HNRNPK: variants seen among roughly 807,000 people sequenced by gnomAD.
The protein encoded by HNRNPK is heterogeneous nuclear ribonucleoprotein K.
A neutral mutation model predicts 67.0 loss-of-function variants in HNRNPK; 7 were observed. The ratio of observed to expected loss-of-function variants is 0.10; its 90% confidence interval spans 0.06 to 0.20. HNRNPK has a LOEUF of 0.20. Among genes scored for constraint, HNRNPK ranks in the 10% least tolerant of loss-of-function variants. The pLI is 1.00. For synonymous variants in HNRNPK, 213 were observed against 193.7 expected (o/e 1.10, Z -0.83); for missense variants, 264 against 606.5 (o/e 0.44, Z 5.93).
Position 83,969,958 on chromosome 9 carries a change from C to T in HNRNPK, c.1361+204G>A, listed in dbSNP as rs1281935048. On this transcript the variant is annotated intron_variant, in intron 16 of 16. Transcript: ENST00000376263. ...TGAGAAGTTTGCTTGGTTAAGGCTT[C>T]TTCCAGCAAGATTAGTATTGAATGT... is the stretch of plus-strand genomic sequence containing the variant. 6.1e-6 allele frequency: 4 copies of T among 658,178 alleles called. No homozygotes were observed. The Admixed American group carries it at 8.9e-5, about 15-fold the overall frequency. The allele number at this position is 658,178 out of a possible 1,614,324, so 40.8% of individuals were successfully genotyped here. A position where few individuals can be genotyped will look rare whatever the true frequency, so the allele number is the denominator to read the frequency against.
intron 9 of HNRNPK, 128 bp from the exon 10 acceptor site, chr9:83,973,100 G>C (rs1956926836): frequency 6.4e-6 from 5 of 786,796 alleles, no homozygotes; most frequent in Admixed American, 2.9e-5. Context: ...AATTATCACA[G>C]GGCTTTGCAA....
At chr9:83,978,896 A>G (rs1360610356) in intron 1 of HNRNPK, among the ~76,000 whole-genome samples, 1 of 152,234 alleles carries the variant, frequency 6.6e-6, no homozygotes, top group African/African-American at 2.4e-5. Flanking sequence ...TTACAAATAC[A>G]ACGGCAATTG....
intron 8 of HNRNPK, 87 bp from the exon 9 acceptor site, chr9:83,973,486 C>T: frequency 1.3e-6 from 1 of 789,426 alleles, no homozygotes; most frequent in Non-Finnish European, 2.2e-6. Context: ...CAATAATATA[C>T]TGTTGCAGTG....
intron 9 of HNRNPK, 79 bp downstream of exon 9, chr9:83,973,195 TGAGAGGGGAAGC>T (rs1421648884): frequency 1.2e-6 from 1 of 840,460 alleles, no homozygotes; most frequent in Non-Finnish European, 2.0e-6. Flanking sequence ...TGGAGGGAAC[TGAGAGGGGAAGC>T]GAGAGAAGCT....
intron 10 of HNRNPK, among the ~76,000 whole-genome samples, chr9:83,972,462 C>T (rs767177740): frequency 4.6e-5 from 7 of 152,138 alleles, no homozygotes; most frequent in Admixed American, 6.6e-5. Flanking sequence ...TAAGAAACCA[C>T]AAAGCCCTCC....
intron 1 of HNRNPK, among the ~76,000 whole-genome samples, chr9:83,979,721 C>T (rs1957281319): frequency 1.3e-5 from 2 of 152,040 alleles, no homozygotes; most frequent in African/African-American, 4.8e-5. Context: ...GTCTCATCCC[C>T]CGCATCCTCC....
At position 83,970,831 on chromosome 9, in the gene HNRNPK, A is replaced by G; in HGVS notation, c.1109-12T>C. On this transcript the variant is annotated splice_polypyrimidine_tract_variant and intron_variant, in intron 14 of 16. Transcript: ENST00000376263. Reference sequence around the variant, plus strand: ...TGCATAGGAATAATCTGATTTAAATAATGAGCAGTAAGTTCATTTAAAAAG... The same window carrying G: ...TGCATAGGAATAATCTGATTTAAATGATGAGCAGTAAGTTCATTTAAAAAG... The G allele has an allele frequency of 6.2e-7, 1 of 1,608,572 alleles. No individual in the cohort carries two copies. The highest frequency in any genetic ancestry group is 1.1e-5 in the South Asian group (1 of 90,972).
At chr9:83,979,147 C>A (rs1426398961) in intron 1 of HNRNPK, among the ~76,000 whole-genome samples, 1 of 152,204 alleles carries the variant, frequency 6.6e-6, no homozygotes, top group Non-Finnish European at 1.5e-5. Context: ...GATAGGACTA[C>A]AAACAGCCTT....
chr9:83,973,921 T>A lies in HNRNPK; in HGVS notation c.383A>T (p.Asp128Val). 6.2e-7 allele frequency: 1 copy of A among 1,613,752 alleles called. No homozygotes were observed. Among genetic ancestry groups the A allele is most frequent in the Non-Finnish European group, 8.5e-7 (1 of 1,179,774 alleles). The change falls in exon 8 of 17, where the codon GAT becomes GTT. Residue 128 changes from aspartate (D) to valine (V), a missense_variant. Physicochemically the swap from Asp to Val is radical, Grantham distance 152 (BLOSUM62 -3). Around this residue, in one of 6 missense-constraint regions of HNRNPK, gnomAD observed 39 missense variants for 54.4 expected, o/e 0.72. Transcript: ENST00000376263. ...ACATACATTTAAGCATTCCACAGCA[T>A]CAGATTCGAGCGGGAGCTGGCTGGT... is the stretch of plus-strand genomic sequence containing the variant. ...TATSQLPLES[D>V]AVECLNYQHY...
At position 83,968,774 on chromosome 9, in the gene HNRNPK, T is replaced by C. The variant is rs942293176; in HGVS notation, c.*633A>G. 1.3e-5 allele frequency: 2 copies of C among 152,662 alleles called. No individual in the cohort carries two copies. Among genetic ancestry groups the C allele is most frequent in the African/African-American group, 4.8e-5 (2 of 41,450 alleles). 9.5% of individuals were successfully genotyped at this position (152,662 alleles called of 1,614,324 possible). A position where few individuals can be genotyped will look rare whatever the true frequency, so the allele number is the denominator to read the frequency against. ...TAAGTTTGCCAAGTTATTTTGCCTA[T>C]GTCCAACAAGAGATGCACTTATATG... On this transcript the variant is annotated 3_prime_UTR_variant, in exon 17 of 17. Transcript: ENST00000376263.
chr9:83,979,148 A>C (rs1166742425), intron 1 of HNRNPK, among the ~76,000 whole-genome samples: 1 of 152,232 alleles, frequency 6.6e-6, no homozygotes, highest in Non-Finnish European at 1.5e-5. Context: ...ATAGGACTAC[A>C]AACAGCCTTT....
intron 1 of HNRNPK, among the ~76,000 whole-genome samples, chr9:83,979,709 A>T (rs1393633318): frequency 7.4e-6 from 1 of 134,994 alleles, no homozygotes; most frequent in Admixed American, 7.6e-5. Context: ...CGCGGTCCCG[A>T]GGTCTCATCC....
Position 83,972,033 on chromosome 9 carries a change from G to A in HNRNPK, c.802C>T (p.Arg268Trp). The change falls in exon 11 of 17, where the codon CGG (arginine) becomes TGG (tryptophan). Residue 268 changes from arginine (R) to tryptophan (W), a missense_variant. Coordinates refer to ENST00000376263, the MANE Select transcript of HNRNPK (RefSeq NM_031263.4). ...RGGFDRMPPG[R>W]GGRPMPPSRR... ...GATGGAGGCATGGGACGCCCACCCCGACCAGGAGGCATTCTGTCAAAACCA... is the reference window on the plus strand; with the variant it reads ...GATGGAGGCATGGGACGCCCACCCCAACCAGGAGGCATTCTGTCAAAACCA... 1.2e-6 allele frequency: 2 copies of A among 1,613,832 alleles called. No individual in the cohort carries two copies. The highest frequency in any genetic ancestry group is 8.5e-7 in the Non-Finnish European group (1 of 1,179,840).
chr9:83,977,364 A>G (rs1286890895), intron 4 of HNRNPK, among the ~76,000 whole-genome samples: 1 of 152,180 alleles, frequency 6.6e-6, no homozygotes, highest in Non-Finnish European at 1.5e-5. Context: ...GTACCTTCAT[A>G]TTGTGACCTG....
chr9:83,972,768 C>T (rs1167841536), intron 10 of HNRNPK, 76 bp downstream of exon 10: 1 of 1,132,390 alleles, frequency 8.8e-7, no homozygotes, highest in Admixed American at 2.3e-5. Context: ...AGACTAAATG[C>T]TCTGAAGCTA....
intron 7 of HNRNPK, 84 bp from the exon 8 acceptor site, chr9:83,974,057 C>T (rs1352651100): frequency 1.3e-6 from 1 of 785,540 alleles, no homozygotes; most frequent in Middle Eastern, 2.3e-4. Context: ...GCTACTACAA[C>T]ATATTTTAAA....
At chr9:83,977,586 A>G (rs1957129215) in intron 4 of HNRNPK, 103 bp downstream of exon 4, 2 of 652,764 alleles carry the variant, frequency 3.1e-6, no homozygotes. Flanking sequence ...AATGTTTTAT[A>G]TTCTTCAATC....
intron 12 of HNRNPK, 82 bp downstream of exon 12, chr9:83,971,590 A>C: frequency 8.6e-7 from 1 of 1,157,436 alleles, no homozygotes; most frequent in South Asian, 1.3e-5. Context: ...CTTTTTAATC[A>C]CTATAACCTT....
chr9:83,975,919 A>G (rs1957045940), intron 5 of HNRNPK: 2 of 173,902 alleles, frequency 1.2e-5, no homozygotes, highest in African/African-American at 4.7e-5. Flanking sequence ...AAAACAAACG[A>G]TGTTTCAGTA....
Sources: gnomAD v4.1 joint callset for allele counts (sites outside exome capture counted in the v4.1 genomes callset) on GRCh38, gnomAD v4.1.1 for gene constraint, gnomAD v4.1.1 regional missense constraint, MANE v1.5 for transcripts, NCBI Gene and HGNC (gene_info 2026-07-23, HGNC 2026-07-21) for gene names.